ALK: variants seen among roughly 807,000 people sequenced by gnomAD.
The protein encoded by ALK is ALK tyrosine kinase receptor.
In ALK, 74 loss-of-function variants were observed where a neutral mutation model predicts 163.1. The ratio of observed to expected loss-of-function variants is 0.45; its 90% CI spans 0.38 to 0.55. The LOEUF is 0.55. Among genes scored for constraint, ALK ranks in the 20% least tolerant of loss-of-function variants. The probability of loss-of-function intolerance (pLI) is 0.00; values close to 1 mark genes in which losing one functional copy is unlikely to be tolerated. For synonymous variants in ALK, 960 were observed against 843.2 expected (o/e 1.14, Z -2.40); for missense variants, 2,063 against 2,105.3 (o/e 0.98, Z 0.39).
chr2:29,767,935 A>T (rs1363313848), intron 1 of ALK, among the ~76,000 whole-genome samples: 5 of 152,200 alleles, frequency 3.3e-5, no homozygotes, highest in African/African-American at 1.2e-4. Flanking sequence ...CGTGATGATT[A>T]CTCATTAGGT....
chr2:29,467,832 T>C (rs1245101056), intron 4 of ALK, among the ~76,000 whole-genome samples: 1 of 152,238 alleles, frequency 6.6e-6, no homozygotes, highest in Non-Finnish European at 1.5e-5. Flanking sequence ...ACAACTCTTC[T>C]CTCTAAATTT....
intron 3 of ALK, among the ~76,000 whole-genome samples, chr2:29,649,853 G>C (rs1676991505): frequency 6.6e-6 from 1 of 152,106 alleles, no homozygotes; most frequent in African/African-American, 2.4e-5. Flanking sequence ...CCCATGGCCT[G>C]CTTTCCTCCC....
chr2:29,765,067 C>T (rs549694018), intron 1 of ALK, among the ~76,000 whole-genome samples: 1 of 152,254 alleles, frequency 6.6e-6, no homozygotes, highest in Non-Finnish European at 1.5e-5. Context: ...CCTTTGCTTT[C>T]TGCTATGATT....
At chr2:29,800,362 C>T (rs752509756) in intron 1 of ALK, among the ~76,000 whole-genome samples, 18 of 152,200 alleles carry the variant, frequency 1.2e-4, no homozygotes, top group Non-Finnish European at 2.9e-5. Flanking sequence ...TCATTCCCAG[C>T]CGTTTCCTGA....
chr2:29,443,609 G>T (rs1343580114), intron 4 of ALK, among the ~76,000 whole-genome samples: 1 of 152,188 alleles, frequency 6.6e-6, no homozygotes, highest in East Asian at 1.9e-4. Context: ...TCACCCCTTA[G>T]GGTGCAGGCC....
intron 3 of ALK, among the ~76,000 whole-genome samples, chr2:29,676,334 G>T (rs1275300052): frequency 3.3e-5 from 5 of 151,930 alleles, no homozygotes; most frequent in African/African-American, 1.2e-4. Context: ...GTATACTTTT[G>T]GCTCTTAAAT....
rs559266580 is a variant in ALK, at chr2:29,334,359, G to A, written c.1283-5878C>T. ...CCTATTTGGGAATTGAACTCATCCT[G>A]TGTATTAGCTGGGGAAGGTCTCATT... On this transcript the variant is annotated intron_variant, in intron 5 of 28. Coordinates refer to ENST00000389048, the MANE Select transcript of ALK (RefSeq NM_004304.5). 2.6e-5 allele frequency among the ~76,000 whole-genome samples: 4 copies of A among 152,330 alleles called. 1 individual carries two copies. Among genetic ancestry groups the A allele is most frequent in the South Asian group, 4.1e-4 (2 of 4,830 alleles).
intron 3 of ALK, among the ~76,000 whole-genome samples, chr2:29,584,065 G>A (rs1202510663): frequency 2.0e-5 from 3 of 152,150 alleles, no homozygotes. Flanking sequence ...AAAGCCAAAT[G>A]GGGTAGGGTA....
intron 8 of ALK, among the ~76,000 whole-genome samples, chr2:29,304,921 C>G (rs1666463087): frequency 6.6e-6 from 1 of 152,174 alleles, no homozygotes; most frequent in African/African-American, 2.4e-5. Context: ...ACCTGGGGTG[C>G]AAATTAGAAT....
intron 5 of ALK, among the ~76,000 whole-genome samples, chr2:29,375,421 C>T (rs938587823): frequency 1.3e-5 from 2 of 152,154 alleles, no homozygotes; most frequent in African/African-American, 2.4e-5. Context: ...CAGGTTCATG[C>T]CATTCTCCTG....
chr2:29,685,676 G>A (rs1016583799), intron 3 of ALK, among the ~76,000 whole-genome samples: 4 of 152,060 alleles, frequency 2.6e-5, no homozygotes, highest in African/African-American at 4.8e-5. Context: ...TTTTCCTGCC[G>A]ACTTGGTCAA....
In ALK at chr2:29,324,144, C is replaced by T. The variant is rs192692849; in HGVS notation, c.1415-3262G>A. 5.4e-3 allele frequency among the ~76,000 whole-genome samples: 825 copies of T among 152,304 alleles called. 6 individuals are homozygous for T. The highest frequency in any genetic ancestry group is 0.018 in the African/African-American group (755 of 41,554). On this transcript the variant is annotated intron_variant, in intron 6 of 28. Transcript: ENST00000389048. ...TTTCATTGGCTGGATGGCCAAATCG[C>T]GCTGTGGGTAGGTCAATCAATCCTG...
intron 6 of ALK, among the ~76,000 whole-genome samples, chr2:29,323,037 A>C (rs543413165): frequency 5.9e-5 from 9 of 152,252 alleles, no homozygotes; most frequent in Admixed American, 3.9e-4. Context: ...CAGCACTGGA[A>C]TCCGGACATA....
At position 29,550,008 on chromosome 2, in the gene ALK, G is replaced by A. The variant is rs571325942; in HGVS notation, c.953-17892C>T. Among the ~76,000 whole-genome samples, 4 of 152,058 alleles carry A rather than the reference G, an allele frequency of 2.6e-5. No homozygotes were observed. The South Asian group carries it at 8.3e-4, about 32-fold the overall frequency. ...GTGCTTCAATTACTATTACAATTCAGGTCCCTTTACAAATCTATGGCTCTT... is the reference window on the plus strand; with the variant it reads ...GTGCTTCAATTACTATTACAATTCAAGTCCCTTTACAAATCTATGGCTCTT... On this transcript the variant is annotated intron_variant, in intron 3 of 28. Coordinates refer to ENST00000389048, the MANE Select transcript of ALK (RefSeq NM_004304.5).
chr2:29,920,486 G>A lies in ALK; in HGVS notation c.174C>T (p.Phe58=), dbSNP rs762994068. ...RLQRKSLAVD[F]VVPSLFRVYA... ...AGACACGGAAGAGCGAGGGCACCAC[G>A]AAGTCAACTGCCAGACTCTTCCTCT... Residue 58 remains phenylalanine, a synonymous_variant, in exon 1 of 29, where the codon TTC becomes TTT. Transcript: ENST00000389048. 3.5e-5 allele frequency: 56 copies of A among 1,612,988 alleles called. No homozygotes were observed. In the African/African-American group the frequency reaches 6.8e-4, roughly 20 times the overall value.
At chr2:29,426,757 A>G (rs974154190) in intron 4 of ALK, among the ~76,000 whole-genome samples, 7 of 152,134 alleles carry the variant, frequency 4.6e-5, no homozygotes, top group Non-Finnish European at 7.4e-5. Context: ...AAGCAGTTAT[A>G]GGCCGGGCAC....
At chr2:29,360,019 C>T (rs187979551) in intron 5 of ALK, among the ~76,000 whole-genome samples, 1 of 152,328 alleles carries the variant, frequency 6.6e-6, no homozygotes, top group East Asian at 1.9e-4. Context: ...GTGGGCAGGC[C>T]TCAGTTTCCC....
chr2:29,867,153 A>G (rs1457896397), intron 1 of ALK, among the ~76,000 whole-genome samples: 2 of 152,178 alleles, frequency 1.3e-5, no homozygotes, highest in Non-Finnish European at 1.5e-5. Context: ...GTTAGATTTA[A>G]AAGAAACCTT....
At chr2:29,580,261 A>G (rs908168278) in intron 3 of ALK, among the ~76,000 whole-genome samples, 1 of 152,184 alleles carries the variant, frequency 6.6e-6, no homozygotes, top group African/African-American at 2.4e-5. Flanking sequence ...TCAACCCGTG[A>G]TTACCGTGCA....
Sources: gnomAD v4.1 joint callset for allele counts (sites outside exome capture counted in the v4.1 genomes callset) on GRCh38, gnomAD v4.1.1 for gene constraint, MANE v1.5 for transcripts, NCBI Gene and HGNC (gene_info 2026-07-23, HGNC 2026-07-21) for gene names.